Variants in POLK observed in about 807,000 individuals in gnomAD.
The protein encoded by POLK is polymerase (DNA directed) kappa.
In POLK, 76 loss-of-function variants were observed where a neutral mutation model predicts 94.0. The ratio of observed to expected loss-of-function variants is 0.81; its 90% confidence interval spans 0.67 to 0.98. The LOEUF (loss-of-function observed/expected upper bound fraction) is 0.98. POLK is among the 50% of genes least tolerant of loss of function. The pLI is 0.00. For missense variants in POLK, 954 were observed against 1,010.1 expected (o/e 0.94, Z 0.75); for synonymous variants, 349 against 325.4 (o/e 1.07, Z -0.78).
intron 11 of POLK, among the ~76,000 whole-genome samples, chr5:75,591,080 A>T (rs549563338): frequency 6.6e-6 from 1 of 152,308 alleles, no homozygotes; most frequent in East Asian, 1.9e-4. Context: ...AAGAAATAAG[A>T]CCTAGTGTTC....
chr5:75,544,461 A>AG (rs1158052560), intron 1 of POLK, among the ~76,000 whole-genome samples: 1 of 152,050 alleles, frequency 6.6e-6, no homozygotes, highest in African/African-American at 2.4e-5. Context: ...GGCTAACATG[A>AG]CGAAACCCCA....
chr5:75,526,577 T>G lies in POLK; in HGVS notation c.-14+14663T>G, dbSNP rs572199431. Among the ~76,000 whole-genome samples the G allele has an allele frequency of 7.6e-3, 1,148 of 150,412 alleles. 8 individuals are homozygous for G. Among genetic ancestry groups the G allele is most frequent in the Admixed American group, 0.012 (188 of 15,126 alleles). On this transcript the variant is annotated intron_variant, in intron 1 of 14. Transcript: ENST00000241436. ...TGATTTAATGGGTTTTTTTTTTGTT[T>G]TTTTTTTTTTCTTTTTTTTTTGGAG... is the stretch of plus-strand genomic sequence containing the variant.
rs995393850 is a variant in POLK, at chr5:75,592,820, G to A, written c.1357-1058G>A. Among the ~76,000 whole-genome samples, 11 of 152,210 alleles carry A rather than the reference G, an allele frequency of 7.2e-5. No homozygotes were observed. The South Asian group carries it at 1.0e-3, about 14-fold the overall frequency. On this transcript the variant is annotated intron_variant, in intron 11 of 14. Transcript: ENST00000241436. ...TGTAATCCCAGCACATTGGGAAGCT[G>A]AGGCCAGAGGATTGCTTGAGCCCAG...
At chr5:75,535,530 C>T (rs533602327) in intron 1 of POLK, among the ~76,000 whole-genome samples, 97 of 150,850 alleles carry the variant, frequency 6.4e-4, no homozygotes, top group Non-Finnish European at 1.1e-3. Context: ...TGGACAATAT[C>T]CTGAAATATG....
chr5:75,607,499 T>G, the POLK span, among the ~76,000 whole-genome samples: 15 of 150,550 alleles, frequency 1.0e-4, no homozygotes, highest in African/African-American at 3.4e-4. Flanking sequence ...AAGTACTGTG[T>G]GTGGTTGCTT....
rs770737000 is a variant in POLK, at chr5:75,581,275, AAG to A, written c.766_767del (p.Pro257PhefsTer2). On this transcript the variant is annotated frameshift_variant, in exon 7 of 15. Coordinates refer to ENST00000241436, the Ensembl canonical transcript of POLK. LOFTEE classifies it high-confidence loss of function. Reference sequence around the variant, plus strand: ...CGATCCATCTCTCCACTACTTTTTGAAGAGAGTCCTTCTGATGTGCAGCCCCC... The same window carrying A: ...CGATCCATCTCTCCACTACTTTTTGAAGAGTCCTTCTGATGTGCAGCCCCC... 6.2e-7 allele frequency: 1 copy of A among 1,610,516 alleles called. No homozygotes were observed. Among genetic ancestry groups the A allele is most frequent in the East Asian group, 2.2e-5 (1 of 44,856 alleles).
At position 75,576,737 on chromosome 5, in the gene POLK, G is replaced by T. The variant is rs769234233; in HGVS notation, c.541-43G>T. Reference sequence around the variant, plus strand: ...CAGCTACATATGACAGAAGAAGTTTGCTATCACAGCAAAATTTAAACTTTT... The same window carrying T: ...CAGCTACATATGACAGAAGAAGTTTTCTATCACAGCAAAATTTAAACTTTT... On this transcript the variant is annotated intron_variant, in intron 5 of 14. Coordinates refer to ENST00000241436, the Ensembl canonical transcript of POLK. The T allele has an allele frequency of 1.2e-5, 13 of 1,120,632 alleles. No individual in the cohort carries two copies. The South Asian group carries it at 2.2e-4, about 19-fold the overall frequency. The allele number at this position is 1,120,632 out of a possible 1,614,324, so 69.4% of individuals were successfully genotyped here. A position where few individuals can be genotyped will look rare whatever the true frequency, so the allele number is the denominator to read the frequency against.
At chr5:75,559,523 G>GTTTTTTTTTTTTTTTTTTTTTTTTTT (rs775525619) in intron 3 of POLK, among the ~76,000 whole-genome samples, 5 of 54,678 alleles carry the variant, frequency 9.1e-5, no homozygotes, top group African/African-American at 2.9e-4. Flanking sequence ...GTTTTGTTTT[G>GTTTTTTTTTTTTTTTTTTTTTTTTTT]TTTTTTTTTT....
chr5:75,546,997 T>A lies in POLK; in HGVS notation c.-13-13T>A. ...TGGTTTTAAAAGCAGTGTTTATCTT[T>A]ATGCTTTTTCAGATAAGTTTATACC... On this transcript the variant is annotated splice_polypyrimidine_tract_variant and intron_variant, in intron 1 of 14. Coordinates refer to ENST00000241436, the Ensembl canonical transcript of POLK. 2 of 1,406,452 alleles carry A rather than the reference T, an allele frequency of 1.4e-6. No individual in the cohort carries two copies. Among genetic ancestry groups the A allele is most frequent in the South Asian group, 1.5e-5 (1 of 65,628 alleles). The allele number at this position is 1,406,452 out of a possible 1,614,324, so 87.1% of individuals were successfully genotyped here.
intron 4 of POLK, among the ~76,000 whole-genome samples, chr5:75,570,391 A>G (rs1771528324): frequency 6.6e-6 from 1 of 152,232 alleles, no homozygotes; most frequent in African/African-American, 2.4e-5. Context: ...GGCCAAATCC[A>G]GCTTTTTATT....
intron 1 of POLK, among the ~76,000 whole-genome samples, chr5:75,543,221 A>T (rs116890691): frequency 1.0e-4 from 15 of 146,026 alleles, no homozygotes; most frequent in African/African-American, 3.8e-4. Flanking sequence ...TTTGTATTTT[A>T]AGTAGAGAGG....
exon 4 of POLK, chr5:75,569,456 G>C (rs1255289942): frequency 6.2e-7 from 1 of 1,613,650 alleles, no homozygotes; most frequent in South Asian, 1.1e-5. Context: ...CAGAATTGAA[G>C]GATAAACCCA....
chr5:75,601,706 G>T (rs867511322), downstream of POLK, among the ~76,000 whole-genome samples: 5 of 152,132 alleles, frequency 3.3e-5, no homozygotes, highest in African/African-American at 1.2e-4. Flanking sequence ...CCAGTGATTT[G>T]CCAGGGACTA....
At chr5:75,511,063 G>C (rs5744538), upstream of POLK, 3,682 of 1,476,532 alleles carry the variant, frequency 2.5e-3, 73 homozygotes, top group African/African-American at 0.044. Context: ...GGATTGCCTC[G>C]CTGCAGGTGA....
intron 3 of POLK, among the ~76,000 whole-genome samples, chr5:75,557,534 T>C (rs1227817722): frequency 1.3e-5 from 2 of 152,212 alleles, no homozygotes; most frequent in Admixed American, 6.5e-5. Context: ...ATTATACAGT[T>C]GAAAAATTGT....
intron 6 of POLK, among the ~76,000 whole-genome samples, chr5:75,579,264 C>T (rs1306839107): frequency 6.6e-6 from 1 of 152,138 alleles, no homozygotes; most frequent in East Asian, 1.9e-4. Flanking sequence ...ACTTGGTTTG[C>T]AGTTTTTCTG....
chr5:75,591,686 C>G (rs989928998), intron 11 of POLK, among the ~76,000 whole-genome samples: 5 of 152,222 alleles, frequency 3.3e-5, no homozygotes, highest in Admixed American at 3.3e-4. Flanking sequence ...TCATGTCTCT[C>G]CAGTTTCCTG....
At chr5:75,596,037 T>G (rs1375622129) in intron 12 of POLK, among the ~76,000 whole-genome samples, 185 bp from the exon 13 acceptor site, 1 of 152,256 alleles carries the variant, frequency 6.6e-6, no homozygotes, top group African/African-American at 2.4e-5. Context: ...ATAGTTAATA[T>G]TTAATGATAT....
chr5:75,544,546 G>A (rs1045259536), intron 1 of POLK, among the ~76,000 whole-genome samples: 1 of 152,154 alleles, frequency 6.6e-6, no homozygotes, highest in African/African-American at 2.4e-5. Context: ...GGAGGCTGAG[G>A]CAGGAGAATC....
Sources: gnomAD v4.1 joint callset for allele counts (sites outside exome capture counted in the v4.1 genomes callset) on GRCh38, gnomAD v4.1.1 for gene constraint, MANE v1.5 for transcripts, NCBI Gene and HGNC (gene_info 2026-07-23, HGNC 2026-07-21) for gene names.